The following PRR5 variants were observed in gnomAD, a reference collection of about 807,000 sequenced individuals.
PRR5 encodes proline rich 5, also known as proline-rich protein 5.
A neutral mutation model predicts 30.6 loss-of-function variants in PRR5; 25 were observed. The observed-to-expected ratio is 0.82, with a 90% CI of 0.60 to 1.14. The LOEUF (loss-of-function observed/expected upper bound fraction) is 1.14. PRR5 is among the 50% of genes most tolerant of loss of function. PRR5 has a pLI of 0.00. For synonymous variants in PRR5, 286 were observed against 247.1 expected, an observed-to-expected ratio of 1.16 and a Z score of -1.48; for missense variants, 600 against 547.1, an observed-to-expected ratio of 1.10 and a Z score of -0.96.
At position 44,729,904 on chromosome 22, in the gene PRR5, G is replaced by T. The variant is rs370428558; in HGVS notation, c.323-1826G>T. 7 of 985,496 alleles carry T rather than the reference G, an allele frequency of 7.1e-6. No homozygotes were observed. In the South Asian group the frequency reaches 1.4e-4, roughly 20 times the overall value. 61.0% of individuals were successfully genotyped at this position (985,496 alleles called of 1,614,324 possible). A position where few individuals can be genotyped will look rare whatever the true frequency, so the allele number is the denominator to read the frequency against. On this transcript the variant is annotated intron_variant, in intron 4 of 7. Transcript: ENST00000336985. Reference sequence around the variant, plus strand: ...GAACTGAGCTGCCTTTCTTCCTGCCGCGGCGGAGGGGGACTGAAGGGACTT... The same window carrying T: ...GAACTGAGCTGCCTTTCTTCCTGCCTCGGCGGAGGGGGACTGAAGGGACTT...
chr22:44,715,583 C>G (rs1188446517), intron 2 of PRR5, among the ~76,000 whole-genome samples: 1 of 152,018 alleles, frequency 6.6e-6, no homozygotes, highest in Non-Finnish European at 1.5e-5. Context: ...GCTCTGGGAG[C>G]TCATTTTCCT....
intron 1 of PRR5, among the ~76,000 whole-genome samples, chr22:44,688,435 A>G (rs1467801206): frequency 1.3e-5 from 2 of 152,188 alleles, no homozygotes; most frequent in Admixed American, 6.5e-5. Flanking sequence ...TTAGAGTGCA[A>G]CTAGTAGAGC....
chr22:44,702,651 G>A, intron 1 of PRR5, 43 bp downstream of exon 1: 1 of 1,263,026 alleles, frequency 7.9e-7, no homozygotes, highest in Non-Finnish European at 1.0e-6. Context: ...CCTGGAGCCG[G>A]GGGAGGGGAC....
At chr22:44,735,915 C>T (rs190758440) in intron 7 of PRR5, among the ~76,000 whole-genome samples, 3 of 152,344 alleles carry the variant, frequency 2.0e-5, no homozygotes, top group Non-Finnish European at 2.9e-5. Flanking sequence ...AACTTTGAGC[C>T]ACCCAGGCTT....
intron 1 of PRR5, among the ~76,000 whole-genome samples, chr22:44,690,621 G>A (rs1222973136): frequency 6.6e-6 from 1 of 152,178 alleles, no homozygotes; most frequent in Non-Finnish European, 1.5e-5. Flanking sequence ...CAAGCAGAGG[G>A]AATCAGCCCG....
At position 44,679,512 on chromosome 22, in the gene PRR5, C is replaced by T. The variant is rs752991568; in HGVS notation, c.-11+2272C>T. On this transcript the variant is annotated intron_variant, in intron 1 of 8. Coordinates refer to the PRR5 transcript ENST00000006251. ...CTGAGGTCAGGAGTTTGAGACCAGC[C>T]GGACCAACATGGAGAAACCCCATCT... 8.8e-5 allele frequency: 22 copies of T among 249,474 alleles called. 1 individual carries two copies. Among genetic ancestry groups the T allele is most frequent in the Middle Eastern group, 1.5e-3 (1 of 686 alleles). The allele number at this position is 249,474 out of a possible 1,614,324, so 15.5% of individuals were successfully genotyped here.
intron 2 of PRR5, among the ~76,000 whole-genome samples, chr22:44,719,980 C>T (rs1045881204): frequency 6.6e-6 from 1 of 152,228 alleles, no homozygotes; most frequent in Non-Finnish European, 1.5e-5. Flanking sequence ...GCTGTCCCCT[C>T]TGTGGCCTGC....
At chr22:44,721,356 A>G (rs1929906890) in intron 2 of PRR5, among the ~76,000 whole-genome samples, 1 of 152,136 alleles carries the variant, frequency 6.6e-6, no homozygotes, top group Non-Finnish European at 1.5e-5. Flanking sequence ...GTGGCCCGCA[A>G]TCAGTGTGAT....
At chr22:44,722,754 C>G (rs1930128469) in intron 2 of PRR5, among the ~76,000 whole-genome samples, 1 of 152,214 alleles carries the variant, frequency 6.6e-6, no homozygotes. Context: ...GAACAGGAGA[C>G]TTTGTCACCC....
chr22:44,732,899 A>G (rs115736691), intron 6 of PRR5, among the ~76,000 whole-genome samples: 6,753 of 147,690 alleles, frequency 0.046, 243 homozygotes, highest in Admixed American at 0.081. Context: ...ACACACGTGC[A>G]CACGCATACA....
chr22:44,704,894 T>A (rs953492813), intron 1 of PRR5, among the ~76,000 whole-genome samples: 1 of 152,300 alleles, frequency 6.6e-6, no homozygotes. Flanking sequence ...GAGTGGAAAC[T>A]GCAGGGAGCA....
chr22:44,669,959 C>T (rs903501904), intron 1 of PRR5, among the ~76,000 whole-genome samples: 4 of 152,182 alleles, frequency 2.6e-5, no homozygotes, highest in Non-Finnish European at 5.9e-5. Context: ...AAGTGAGGTC[C>T]TGGACCCCCA....
At chr22:44,725,540 A>G (rs1920929409) in intron 3 of PRR5, among the ~76,000 whole-genome samples, 1 of 152,220 alleles carries the variant, frequency 6.6e-6, no homozygotes. Context: ...GCGTGATCCC[A>G]GCTCACCGCA....
intron 4 of PRR5, among the ~76,000 whole-genome samples, chr22:44,728,697 C>T (rs905536536): frequency 1.3e-5 from 2 of 152,230 alleles, no homozygotes; most frequent in Admixed American, 6.5e-5. Flanking sequence ...CCTCCCCCTT[C>T]CTGCTCCCTA....
chr22:44,707,932 T>C lies in PRR5; in HGVS notation c.134+5324T>C, dbSNP rs539293715. 1.1e-3 allele frequency among the ~76,000 whole-genome samples: 160 copies of C among 152,240 alleles called. 1 individual carries two copies. The highest frequency in any genetic ancestry group is 3.8e-3 in the African/African-American group (157 of 41,556). On this transcript the variant is annotated intron_variant, in intron 1 of 7. Coordinates refer to ENST00000336985, the MANE Select transcript of PRR5 (RefSeq NM_181333.4). Reference sequence around the variant, plus strand: ...TGGAGGCCCAGGCAGGCAGTTGTAGTGCGTGGCCCCAAGATGCCAGCCTCG... The same window carrying C: ...TGGAGGCCCAGGCAGGCAGTTGTAGCGCGTGGCCCCAAGATGCCAGCCTCG...
intron 1 of PRR5, among the ~76,000 whole-genome samples, chr22:44,678,463 C>T (rs1489186851): frequency 6.6e-6 from 1 of 151,890 alleles, no homozygotes. Context: ...TACAGGCGCC[C>T]GCCACCACAC....
At chr22:44,716,666 A>C (rs1929099350) in intron 2 of PRR5, among the ~76,000 whole-genome samples, 1 of 152,196 alleles carries the variant, frequency 6.6e-6, no homozygotes, top group Non-Finnish European at 1.5e-5. Flanking sequence ...CACAGGGCTA[A>C]TAATGAATAG....
At chr22:44,669,513 G>A (rs376327678) in intron 1 of PRR5, among the ~76,000 whole-genome samples, 1 of 152,222 alleles carries the variant, frequency 6.6e-6, no homozygotes, top group African/African-American at 2.4e-5. Context: ...TCCCTTGGCA[G>A]GTGGGGATAC....
Position 44,731,769 on chromosome 22 carries a change from T to A in PRR5, c.362T>A (p.Phe121Tyr), listed in dbSNP as rs202247021. The change falls in exon 5 of 8, where the codon TTC becomes TAC. Residue 121 changes from phenylalanine to tyrosine, a missense_variant. Coordinates refer to ENST00000336985, the MANE Select transcript of PRR5 (RefSeq NM_181333.4). Reference protein sequence around the residue: ...LLDSLAETWDFFFSDVLPMLQ... With the variant: ...LLDSLAETWDYFFSDVLPMLQ... ...GACTCACTGGCAGAGACCTGGGACTTCTTCTTCAGTGACGTGCTGCCCATG... is the reference window on the plus strand; with the variant it reads ...GACTCACTGGCAGAGACCTGGGACTACTTCTTCAGTGACGTGCTGCCCATG... The A allele has an allele frequency of 8.7e-5, 141 of 1,613,760 alleles. No homozygotes were observed. Among genetic ancestry groups the A allele is most frequent in the South Asian group, 2.7e-4 (25 of 91,088 alleles).
Sources: allele counts gnomAD v4.1 joint callset (sites outside exome capture counted in the v4.1 genomes callset), GRCh38; gene constraint gnomAD v4.1.1; transcripts MANE v1.5; gene names NCBI Gene and HGNC (gene_info 2026-07-23, HGNC 2026-07-21).